Variants in USH2A observed in about 807,000 individuals in gnomAD.
USH2A encodes Usher syndrome 2A (autosomal recessive, mild).
Under a neutral mutation model 538.9 loss-of-function variants are expected in USH2A, and 443 were observed. The ratio of observed to expected loss-of-function variants is 0.82; its 90% CI spans 0.76 to 0.89. The LOEUF (loss-of-function observed/expected upper bound fraction) is 0.89. Among genes scored for constraint, USH2A ranks in the 40% least tolerant of loss-of-function variants. The pLI, the probability that USH2A is intolerant of heterozygous loss-of-function variation, is 0.00. For synonymous variants in USH2A, 2,413 were observed against 2,273.5 expected (o/e 1.06, Z -1.75); for missense variants, 6,633 against 6,324.8 (o/e 1.05, Z -1.65).
intron 21 of USH2A, among the ~76,000 whole-genome samples, chr1:216,138,209 A>G (rs2033524542): frequency 6.6e-6 from 1 of 152,310 alleles, no homozygotes; most frequent in South Asian, 2.1e-4. Context: ...GTACACTGGT[A>G]TTTAGGATAA....
At chr1:216,021,385 T>G (rs1483346440) in intron 32 of USH2A, among the ~76,000 whole-genome samples, 1 of 152,142 alleles carries the variant, frequency 6.6e-6, no homozygotes, top group East Asian at 1.9e-4. Context: ...CCCCTTTCGC[T>G]TGGTTCTCAT....
Position 215,851,646 on chromosome 1 carries a change from TC to T in USH2A, c.8846-5614del, listed in dbSNP as rs1437493276. Among the ~76,000 whole-genome samples the T allele has an allele frequency of 2.6e-5, 4 of 152,172 alleles. No individual in the cohort carries two copies. In the East Asian group the frequency reaches 7.7e-4, roughly 29 times the overall value. ...TGGGTACCAATCATATTGACACTATTCCAAAAGATATAGAAAGAAGAAACAC... is the reference window on the plus strand; with the variant it reads ...TGGGTACCAATCATATTGACACTATTCAAAAGATATAGAAAGAAGAAACAC... On this transcript the variant is annotated intron_variant, in intron 44 of 71. Transcript: ENST00000307340.
chr1:216,159,547 C>T (rs1437970782), intron 21 of USH2A, among the ~76,000 whole-genome samples: 1 of 150,304 alleles, frequency 6.7e-6, no homozygotes, highest in African/African-American at 2.4e-5. Context: ...TACACACACA[C>T]ACACACACAC....
rs58845914 is a variant in USH2A, at chr1:216,370,677, CAAAAA to C, written c.652-5597_652-5593del. ...TGGGGAACAGAGCCAGACTCTGTCT[CAAAAA>C]AAAAAAAAAAAAAAAAAAAATACTC... is the stretch of plus-strand genomic sequence containing the variant. On this transcript the variant is annotated intron_variant, in intron 3 of 71. Transcript: ENST00000307340. Among the ~76,000 whole-genome samples, 57 of 30,002 alleles carry C rather than the reference CAAAAA, an allele frequency of 1.9e-3. 1 individual carries two copies. The South Asian group carries it at 0.02, about 10-fold the overall frequency. The allele number at this position is 30,002 out of a possible 152,430, so 19.7% of individuals were successfully genotyped here.
intron 32 of USH2A, among the ~76,000 whole-genome samples, chr1:216,035,670 G>T (rs2102515317): frequency 6.6e-6 from 1 of 152,220 alleles, no homozygotes; most frequent in South Asian, 2.1e-4. Flanking sequence ...CTACAGGAAA[G>T]CCTACCTCAA....
Position 215,675,092 on chromosome 1 carries a change from A to T in USH2A, c.12819T>A (p.Tyr4273Ter), listed in dbSNP as rs1362058696. 3.7e-6 allele frequency: 6 copies of T among 1,614,158 alleles called. No homozygotes were observed. The highest frequency in any genetic ancestry group is 4.2e-6 in the Non-Finnish European group (5 of 1,180,014). ...PEGLSPPVIS[Y>*]VSMNPQKLLI... Reference sequence around the variant, plus strand: ...GCAGTTTTTGGGGATTCATAGAAACATAGGATATCACAGGTGGAGAGAGAC... The same window carrying T: ...GCAGTTTTTGGGGATTCATAGAAACTTAGGATATCACAGGTGGAGAGAGAC... Residue 4273 changes from tyrosine (Y) to a stop codon, truncating the protein, a stop_gained, in exon 63 of 72, where the codon TAT becomes TAA. Coordinates refer to ENST00000307340, the MANE Select transcript of USH2A (RefSeq NM_206933.4). LOFTEE classifies it high-confidence loss of function.
chr1:216,070,260 G>T lies in USH2A; in HGVS notation c.5890C>A (p.Arg1964Ser). 6.2e-7 allele frequency: 1 copy of T among 1,613,864 alleles called. No individual in the cohort carries two copies. Among genetic ancestry groups the T allele is most frequent in the Non-Finnish European group, 8.5e-7 (1 of 1,179,884 alleles). Residue 1964 changes from arginine to serine, a missense_variant, in exon 30 of 72, where the codon CGC becomes AGC. Arg to Ser is a moderately radical substitution (Grantham distance 110, BLOSUM62 -1). Coordinates refer to ENST00000307340, the MANE Select transcript of USH2A (RefSeq NM_206933.4). ...TCAATGCTGTATCCATTTAAGCTGC[G>T]GACTCTTGAGGGAGTTGGCACACTT... ...PQSVPTPSRV[R>S]SLNGYSIEVT... is the part of the protein sequence containing the mutation.
Position 215,998,975 on chromosome 1 carries a change from C to T in USH2A, c.6569G>A (p.Trp2190Ter), listed in dbSNP as rs1195543019. The change falls in exon 34 of 72, where the codon TGG becomes TAG. Residue 2190 changes from tryptophan to a stop codon, truncating the protein, a stop_gained. Coordinates refer to ENST00000307340, the MANE Select transcript of USH2A (RefSeq NM_206933.4). LOFTEE classifies it high-confidence loss of function. ...TTCTGTACTGTTATAGATGACACTCCAAATTGTAAAATCATGTGTATGGTT... is the reference window on the plus strand; with the variant it reads ...TTCTGTACTGTTATAGATGACACTCTAAATTGTAAAATCATGTGTATGGTT... ...MSNHTHDFTI[W>*]SVIYNSTELF... 1.2e-6 allele frequency: 2 copies of T among 1,612,732 alleles called. No homozygotes were observed. The highest frequency in any genetic ancestry group is 2.7e-5 in the African/African-American group (2 of 74,840).
intron 21 of USH2A, among the ~76,000 whole-genome samples, chr1:216,126,252 C>A (rs899725384): frequency 6.6e-6 from 1 of 152,032 alleles, no homozygotes; most frequent in Non-Finnish European, 1.5e-5. Context: ...GAGATGAGGT[C>A]TTGCTCTGTC....
intron 44 of USH2A, among the ~76,000 whole-genome samples, chr1:215,865,356 A>T (rs1482688373): frequency 6.6e-6 from 1 of 152,164 alleles, no homozygotes; most frequent in African/African-American, 2.4e-5. Context: ...AGGTAATGAA[A>T]CTTCAGTGAG....
At chr1:216,109,120 T>C (rs981587213) in intron 21 of USH2A, among the ~76,000 whole-genome samples, 27 of 152,264 alleles carry the variant, frequency 1.8e-4, no homozygotes, top group African/African-American at 5.8e-4. Context: ...TTGGATTAAA[T>C]TTATTCATAA....
chr1:215,975,100 G>A (rs1667590734), intron 35 of USH2A, among the ~76,000 whole-genome samples: 1 of 151,984 alleles, frequency 6.6e-6, no homozygotes, highest in South Asian at 2.1e-4. Flanking sequence ...GTGATGTTGA[G>A]CATGTTTGTT....
At chr1:215,635,235 T>C (rs1437770566) in intron 69 of USH2A, among the ~76,000 whole-genome samples, 1 of 152,184 alleles carries the variant, frequency 6.6e-6, no homozygotes, top group Non-Finnish European at 1.5e-5. Context: ...CATTTTCCAT[T>C]ATGATATTAA....
chr1:216,289,024 C>G (rs79482779), intron 11 of USH2A, among the ~76,000 whole-genome samples: 1,890 of 152,002 alleles, frequency 0.012, 37 homozygotes, highest in African/African-American at 0.044. Flanking sequence ...TACTTAGAAC[C>G]CCTACCCTTC....
rs552760444 is a variant in USH2A, at chr1:216,178,210, T to C, written c.4397-2728A>G. On this transcript the variant is annotated intron_variant, in intron 20 of 71. Coordinates refer to ENST00000307340, the MANE Select transcript of USH2A (RefSeq NM_206933.4). ...CAAAAAGTTCATCAAGTTAGAAGGA[T>C]AATTAACAATTCTGGTTATTTTCTG... Among the ~76,000 whole-genome samples the C allele has an allele frequency of 9.8e-5, 15 of 152,338 alleles. No individual in the cohort carries two copies. The South Asian group carries it at 1.9e-3, about 19-fold the overall frequency.
At chr1:216,114,902 A>T (rs1378655703) in intron 21 of USH2A, among the ~76,000 whole-genome samples, 2 of 152,170 alleles carry the variant, frequency 1.3e-5, no homozygotes, top group African/African-American at 4.8e-5. Context: ...ATAGATAGAT[A>T]CAGATACATA....
At chr1:215,894,765 C>T (rs1310620635) in intron 40 of USH2A, among the ~76,000 whole-genome samples, 2 of 152,144 alleles carry the variant, frequency 1.3e-5, no homozygotes, top group Non-Finnish European at 2.9e-5. Context: ...CTTGTCCCCA[C>T]CCTCCTCGCC....
chr1:215,936,294 T>C (rs577074307), intron 37 of USH2A, among the ~76,000 whole-genome samples: 1 of 152,064 alleles, frequency 6.6e-6, no homozygotes, highest in East Asian at 1.9e-4. Context: ...TCTTGCATCG[T>C]ATAGTATACA....
intron 21 of USH2A, among the ~76,000 whole-genome samples, chr1:216,133,136 T>C (rs2033411670): frequency 6.6e-6 from 1 of 152,136 alleles, no homozygotes; most frequent in Non-Finnish European, 1.5e-5. Context: ...TTTATTTGCA[T>C]ACTGAATATT....
Sources: gnomAD v4.1 joint callset for allele counts (sites outside exome capture counted in the v4.1 genomes callset) on GRCh38, gnomAD v4.1.1 for gene constraint, MANE v1.5 for transcripts, NCBI Gene and HGNC (gene_info 2026-07-23, HGNC 2026-07-21) for gene names.